ARMH3: variants seen among roughly 807,000 people sequenced by gnomAD.
The protein encoded by ARMH3 is armadillo like helical domain containing 3.
In ARMH3, 60 loss-of-function variants were observed where a neutral mutation model predicts 99.1. That is an observed-to-expected ratio of 0.61 (90% CI 0.49 to 0.75). The LOEUF (loss-of-function observed/expected upper bound fraction) is 0.75, where lower values mean the gene tolerates loss of function less well. Among genes scored for constraint, ARMH3 ranks in the 30% least tolerant of loss-of-function variants. The pLI, the probability that ARMH3 is intolerant of heterozygous loss-of-function variation, is 0.00. For synonymous variants in ARMH3, 285 were observed against 292.8 expected (o/e 0.97, Z 0.27); for missense variants, 679 against 843.1 (o/e 0.81, Z 2.41).
At chr10:101,855,279 G>A (rs1308971991) in intron 24 of ARMH3, among the ~76,000 whole-genome samples, 2 of 147,564 alleles carry the variant, frequency 1.4e-5, no homozygotes, top group Non-Finnish European at 3.0e-5. Flanking sequence ...TGTTGGCCAC[G>A]CTGGTCTTGA....
rs532039304 is a variant in ARMH3, at chr10:101,996,617, C to A, written c.1151-1262G>T. Among the ~76,000 whole-genome samples the A allele has an allele frequency of 6.6e-5, 10 of 152,258 alleles. 1 individual carries two copies. Among genetic ancestry groups the A allele is most frequent in the African/African-American group, 1.7e-4 (7 of 41,552 alleles). ...GGCACTATCCTCCCACAAACTGATACGCAACTCCCACAGAAAAGCCTGCAG... is the reference window on the plus strand; with the variant it reads ...GGCACTATCCTCCCACAAACTGATAAGCAACTCCCACAGAAAAGCCTGCAG... On this transcript the variant is annotated intron_variant, in intron 15 of 25. Transcript: ENST00000370033.
At chr10:101,951,936 TGAG>T (rs201164933) in intron 22 of ARMH3, among the ~76,000 whole-genome samples, 2,642 of 143,862 alleles carry the variant, frequency 0.018, 81 homozygotes, top group African/African-American at 0.064. Context: ...GGGCGGAGGA[TGAG>T]GAGGAGGAAG....
chr10:101,854,480 A>G (rs1462239626), intron 24 of ARMH3, among the ~76,000 whole-genome samples: 2 of 152,196 alleles, frequency 1.3e-5, no homozygotes, highest in East Asian at 3.9e-4. Context: ...TCTTCACCAC[A>G]AAGGAACAAC....
chr10:102,050,675 TG>T (rs2067679814), intron 1 of ARMH3, among the ~76,000 whole-genome samples: 1 of 149,656 alleles, frequency 6.7e-6, no homozygotes, highest in South Asian at 2.1e-4. Context: ...CTGGCCAACA[TG>T]GTAAAACCCC....
At chr10:101,952,310 C>A (rs545221424) in intron 22 of ARMH3, among the ~76,000 whole-genome samples, 2 of 152,126 alleles carry the variant, frequency 1.3e-5, no homozygotes, top group South Asian at 4.2e-4. Context: ...CAAGTCAAAC[C>A]ATGAGTAAAA....
At position 102,040,068 on chromosome 10, in the gene ARMH3, G is replaced by C; in HGVS notation, c.47C>G (p.Ala16Gly). The C allele has an allele frequency of 6.2e-7, 1 of 1,614,126 alleles. No individual in the cohort carries two copies. The highest frequency in any genetic ancestry group is 8.5e-7 in the Non-Finnish European group (1 of 1,180,004). Residue 16 changes from alanine to glycine, a missense_variant, in exon 2 of 26, where the codon GCC becomes GGC. Ala to Gly is a moderately conservative substitution (Grantham distance 60, BLOSUM62 0). Around this residue, in one of 3 missense-constraint regions of ARMH3, gnomAD observed 280 missense variants for 354.6 expected, o/e 0.79. Coordinates refer to ENST00000370033, the MANE Select transcript of ARMH3 (RefSeq NM_024541.3). ...TTTTTCCTTCAGTGGTTTTTTGGAG[G>C]CTGAAGATTTCCGGAGCAAACCTCC... ...KRGGLLRKSS[A>G]SKKPLKEKVV...
chr10:101,862,668 G>A (rs1431201550), intron 24 of ARMH3, among the ~76,000 whole-genome samples: 3 of 150,572 alleles, frequency 2.0e-5, no homozygotes, highest in Non-Finnish European at 3.0e-5. Context: ...AACGAAAACG[G>A]ATAACTAAAA....
intron 23 of ARMH3, among the ~76,000 whole-genome samples, chr10:101,919,960 G>T (rs1047501225): frequency 1.3e-5 from 2 of 152,074 alleles, no homozygotes; most frequent in Non-Finnish European, 2.9e-5. Context: ...AATTGCCCTT[G>T]TTGGCTCCCT....
intron 5 of ARMH3, among the ~76,000 whole-genome samples, chr10:102,026,142 A>T (rs1207837171): frequency 6.6e-6 from 1 of 152,218 alleles, no homozygotes; most frequent in Admixed American, 6.5e-5. Flanking sequence ...AATCCAAACT[A>T]ATCAAAAGAT....
chr10:102,042,127 A>G (rs753749403), intron 1 of ARMH3, among the ~76,000 whole-genome samples: 3 of 152,234 alleles, frequency 2.0e-5, no homozygotes, highest in African/African-American at 7.2e-5. Flanking sequence ...TACAGCCTCC[A>G]TTCAACATGT....
chr10:101,865,107 T>C (rs2066969150), intron 24 of ARMH3, among the ~76,000 whole-genome samples: 1 of 150,962 alleles, frequency 6.6e-6, no homozygotes, highest in Middle Eastern at 3.2e-3. Flanking sequence ...TCCCAGCTAC[T>C]CGAGAGACTG....
intron 23 of ARMH3, among the ~76,000 whole-genome samples, chr10:101,920,322 G>A (rs138394439): frequency 0.01 from 1,576 of 152,314 alleles, 10 homozygotes; most frequent in Non-Finnish European, 0.016. Flanking sequence ...AAAAGGCCTG[G>A]ACTATAAAAC....
At chr10:101,859,620 G>A (rs987355314) in intron 24 of ARMH3, among the ~76,000 whole-genome samples, 3 of 152,346 alleles carry the variant, frequency 2.0e-5, no homozygotes, top group Non-Finnish European at 2.9e-5. Context: ...TCAATGTAGC[G>A]ATGGATTCCA....
chr10:102,019,527 G>A (rs879390146), intron 8 of ARMH3, among the ~76,000 whole-genome samples: 6 of 152,232 alleles, frequency 3.9e-5, no homozygotes, highest in East Asian at 1.9e-4. Flanking sequence ...TTCCAAATGC[G>A]GAGGTGAAAG....
intron 22 of ARMH3, among the ~76,000 whole-genome samples, chr10:101,944,567 A>G (rs1844432930): frequency 6.6e-6 from 1 of 152,102 alleles, no homozygotes; most frequent in Non-Finnish European, 1.5e-5. Context: ...TAATCCCAGT[A>G]CTTTGGGAGG....
rs1362555678 is a variant in ARMH3 at position 101,985,362 on chromosome 10, T to C, written c.1406+5189A>G. 2.0e-5 allele frequency among the ~76,000 whole-genome samples: 3 copies of C among 151,176 alleles called. No individual in the cohort carries two copies. The East Asian group carries it at 5.8e-4, about 29-fold the overall frequency. On this transcript the variant is annotated intron_variant, in intron 19 of 25. Coordinates refer to ENST00000370033, the MANE Select transcript of ARMH3 (RefSeq NM_024541.3). ...GGGTTTATATATACACATATATGTA[T>C]ACATGTATATATAATACGTATATAT... is the stretch of plus-strand genomic sequence containing the variant.
At chr10:101,904,568 C>T (rs910030647) in intron 23 of ARMH3, among the ~76,000 whole-genome samples, 6 of 152,072 alleles carry the variant, frequency 3.9e-5, no homozygotes, top group African/African-American at 1.4e-4. Flanking sequence ...CTCAAAGCCC[C>T]ATTTTGGATA....
chr10:101,918,116 T>C (rs1472263061), intron 23 of ARMH3, among the ~76,000 whole-genome samples: 1 of 152,146 alleles, frequency 6.6e-6, no homozygotes, highest in Non-Finnish European at 1.5e-5. Context: ...TGGTGCAATC[T>C]TGGCTCGGCT....
chr10:102,019,125 T>C (rs2066819394), intron 8 of ARMH3, among the ~76,000 whole-genome samples: 2 of 152,170 alleles, frequency 1.3e-5, no homozygotes, highest in South Asian at 4.1e-4. Flanking sequence ...CTCAGCTCAC[T>C]GCAACCTCCA....
Sources: allele counts gnomAD v4.1 joint callset (sites outside exome capture counted in the v4.1 genomes callset), GRCh38; gene constraint gnomAD v4.1.1; regional missense constraint gnomAD v4.1.1; transcripts MANE v1.5; gene names NCBI Gene and HGNC (gene_info 2026-07-23, HGNC 2026-07-21).